The following TMEM269 variants were observed in gnomAD, a reference collection of about 807,000 sequenced individuals.
TMEM269 encodes transmembrane protein 269.
In TMEM269, 12 loss-of-function variants were observed where a neutral mutation model predicts 15.8. The observed-to-expected ratio is 0.76, with a 90% confidence interval of 0.49 to 1.23. The LOEUF (loss-of-function observed/expected upper bound fraction) is 1.23. Among genes scored for constraint, TMEM269 ranks in the 50% most tolerant of loss-of-function variants. TMEM269 has a pLI of 0.00. For synonymous variants in TMEM269, 93 were observed against 99.3 expected, an observed-to-expected ratio of 0.94 and a Z score of 0.38; for missense variants, 211 against 245.4, an observed-to-expected ratio of 0.86 and a Z score of 0.94.
At chr1:42,790,763 A>C (rs1653671319) in intron 2 of TMEM269, among the ~76,000 whole-genome samples, 1 of 152,154 alleles carries the variant, frequency 6.6e-6, no homozygotes, top group African/African-American at 2.4e-5. Context: ...AGTACAGCCT[A>C]ATTTTCTAGG....
At chr1:42,791,696 ATAAAAAG>A (rs1653688898) in intron 2 of TMEM269, among the ~76,000 whole-genome samples, 4 of 152,230 alleles carry the variant, frequency 2.6e-5, no homozygotes, top group Admixed American at 2.6e-4. Context: ...CAAAGGAAGC[ATAAAAAG>A]TAAAAAGTAA....
chr1:42,787,327 G>A (rs1295602305), intron 1 of TMEM269, among the ~76,000 whole-genome samples: 5 of 151,516 alleles, frequency 3.3e-5, no homozygotes, highest in South Asian at 2.1e-4. Context: ...CTGGCCGGGC[G>A]CGGTGGCTCA....
At chr1:42,789,955 G>A (rs1653652961) in intron 2 of TMEM269, 21 bp downstream of exon 2, 3 of 1,531,680 alleles carry the variant, frequency 2.0e-6, no homozygotes, top group Non-Finnish European at 2.7e-6. Context: ...GGCCCAGCAA[G>A]CTCTTAGCCA....
chr1:42,787,581 T>G (rs1158640374), intron 1 of TMEM269, among the ~76,000 whole-genome samples: 1 of 109,414 alleles, frequency 9.1e-6, no homozygotes, highest in African/African-American at 3.6e-5. Flanking sequence ...CAGTCCGGCC[T>G]GGGCGACAGA....
At chr1:42,789,285 G>A (rs913713518) in intron 1 of TMEM269, 5 of 636,686 alleles carry the variant, frequency 7.9e-6, no homozygotes, top group African/African-American at 3.6e-5. Context: ...GTTCTGACTG[G>A]GGCCTGTCAG....
Position 42,788,922 on chromosome 1 carries a change from CTT to C in TMEM269, c.-98-857_-98-856del, listed in dbSNP as rs540411407. 1.4e-4 allele frequency among the ~76,000 whole-genome samples: 19 copies of C among 136,800 alleles called. No homozygotes were observed. Among genetic ancestry groups the C allele is most frequent in the Admixed American group, 1.5e-4 (2 of 13,544 alleles). The allele number at this position is 136,800 out of a possible 152,430, so 89.7% of individuals were successfully genotyped here. Reference sequence around the variant, plus strand: ...TTTGTGAACTATTCAGTGTTGTACACTTTTTTTTTTTTTTTTTTAGACAGAGT... The same window carrying C: ...TTTGTGAACTATTCAGTGTTGTACACTTTTTTTTTTTTTTTTAGACAGAGT... On this transcript the variant is annotated intron_variant, in intron 1 of 5. Coordinates refer to ENST00000637012, the MANE Select transcript of TMEM269 (RefSeq NM_001354602.2). The surrounding 1 kb of genome is among the most constrained non-coding windows in gnomAD (Gnocchi z 4.0).
Position 42,794,418 on chromosome 1 carries a change from C to T in TMEM269, c.289C>T (p.Pro97Ser), listed in dbSNP as rs1014559010. Residue 97 changes from proline (P) to serine (S), a missense_variant, in exon 5 of 6, where the codon CCC (proline) becomes TCC (serine). Coordinates refer to ENST00000637012, the MANE Select transcript of TMEM269 (RefSeq NM_001354602.2). ...TCCAGCGTTCTTCCTGGCAGGAGTCCCCTCCACATACAAGGGTCTACCCTG... is the reference window on the plus strand; with the variant it reads ...TCCAGCGTTCTTCCTGGCAGGAGTCTCCTCCACATACAAGGGTCTACCCTG... ...FHLCFYSPGV[P>S]STYKGLPCPY... The T allele has an allele frequency of 1.3e-6, 2 of 1,550,092 alleles. No homozygotes were observed. The highest frequency in any genetic ancestry group is 2.7e-5 in the African/African-American group (2 of 72,986).
intron 2 of TMEM269, among the ~76,000 whole-genome samples, chr1:42,792,279 TAATC>T (rs951286107): frequency 9.9e-5 from 15 of 152,232 alleles, no homozygotes; most frequent in Non-Finnish European, 7.4e-5. Flanking sequence ...TAGCTGAAAA[TAATC>T]AATCCCTTAA....
At chr1:42,794,926 G>T (rs1328412972) in intron 5 of TMEM269, among the ~76,000 whole-genome samples, 2 of 152,192 alleles carry the variant, frequency 1.3e-5, no homozygotes. Context: ...CCCACCGTGT[G>T]CCAGGTACTG....
At chr1:42,793,446 C>T (rs917951764) in intron 3 of TMEM269, among the ~76,000 whole-genome samples, 155 bp from the exon 4 acceptor site, 1 of 152,152 alleles carries the variant, frequency 6.6e-6, no homozygotes, top group Non-Finnish European at 1.5e-5. Context: ...GAGGAGATCC[C>T]GAGCTTTGAT....
chr1:42,799,836 A>C lies in TMEM269; in HGVS notation c.*1611A>C, dbSNP rs1653859149. ...CCAATCTGAAAATGGTCTTCACATA[A>C]ATTCTTAAGGACCAAGCAGCTGGAA... On this transcript the variant is annotated 3_prime_UTR_variant, in exon 6 of 6. Transcript: ENST00000637012. 1 of 152,220 alleles carries C rather than the reference A, an allele frequency of 6.6e-6. No homozygotes were observed. The highest frequency in any genetic ancestry group is 2.4e-5 in the African/African-American group (1 of 41,456). 9.4% of individuals were successfully genotyped at this position (152,220 alleles called of 1,614,324 possible).
intron 3 of TMEM269, 58 bp from the exon 4 acceptor site, chr1:42,793,543 G>T: frequency 6.7e-7 from 1 of 1,496,998 alleles, no homozygotes; most frequent in South Asian, 1.3e-5. Context: ...ACTAGATGGG[G>T]GCTAAGGTGC....
intron 3 of TMEM269, 108 bp downstream of exon 3, chr1:42,793,010 CCT>C (rs771952830): frequency 2.5e-4 from 209 of 832,658 alleles, no homozygotes; most frequent in Non-Finnish European, 3.5e-4. Flanking sequence ...GGCATCCACC[CCT>C]GTTCACACCC....
intron 5 of TMEM269, among the ~76,000 whole-genome samples, 166 bp downstream of exon 5, chr1:42,794,779 C>G (rs555169882): frequency 6.6e-6 from 1 of 152,166 alleles, no homozygotes; most frequent in African/African-American, 2.4e-5. Context: ...AAACACTAAA[C>G]CTACCCCCAA....
At position 42,788,922 on chromosome 1, in the gene TMEM269, CTTT is replaced by C. The variant is rs540411407; in HGVS notation, c.-98-858_-98-856del. Among the ~76,000 whole-genome samples, 1,179 of 136,844 alleles carry C rather than the reference CTTT, an allele frequency of 8.6e-3. 17 individuals carry two copies. Among genetic ancestry groups the C allele is most frequent in the African/African-American group, 0.03 (1,134 of 37,336 alleles). The allele number at this position is 136,844 out of a possible 152,430, so 89.8% of individuals were successfully genotyped here. A position where few individuals can be genotyped will look rare whatever the true frequency, so the allele number is the denominator to read the frequency against. ...TTTGTGAACTATTCAGTGTTGTACA[CTTT>C]TTTTTTTTTTTTTTTAGACAGAGTC... On this transcript the variant is annotated intron_variant, in intron 1 of 5. Transcript: ENST00000637012. The surrounding 1 kb of genome is among the most constrained non-coding windows in gnomAD (Gnocchi z 4.0).
chr1:42,789,946 G>A lies in TMEM269; in HGVS notation c.41+12G>A. ...TTCAGCTTCAGCAGGTAGGTCTGGG[G>A]CCCAGCAAGCTCTTAGCCAAGAGCT... On this transcript the variant is annotated intron_variant, in intron 2 of 5. Transcript: ENST00000637012. 1 of 1,542,892 alleles carries A rather than the reference G, an allele frequency of 6.5e-7. No homozygotes were observed. The highest frequency in any genetic ancestry group is 8.8e-7 in the Non-Finnish European group (1 of 1,140,106).
In TMEM269 at chr1:42,798,653, C is replaced by G. The variant is rs769076909; in HGVS notation, c.*428C>G. ...TTTCTTACTCTTGCAGACTCTGGCT[C>G]TGAGAGTAGAGCCAATCACAGGACT... On this transcript the variant is annotated 3_prime_UTR_variant, in exon 6 of 6. Coordinates refer to ENST00000637012, the MANE Select transcript of TMEM269 (RefSeq NM_001354602.2). The G allele has an allele frequency of 1.2e-5, 2 of 164,184 alleles. No homozygotes were observed. The highest frequency in any genetic ancestry group is 4.9e-5 in the African/African-American group (2 of 40,856). The allele number at this position is 164,184 out of a possible 1,614,324, so 10.2% of individuals were successfully genotyped here. A position where few individuals can be genotyped will look rare whatever the true frequency, so the allele number is the denominator to read the frequency against.
chr1:42,789,423 C>A (rs1021760995), intron 1 of TMEM269: 5 of 1,535,342 alleles, frequency 3.3e-6, no homozygotes, highest in Middle Eastern at 1.7e-4. Flanking sequence ...GACAAGGGCC[C>A]ACCTCTCAGA....
At chr1:42,793,010 C>A in intron 3 of TMEM269, 108 bp downstream of exon 3, 1 of 832,776 alleles carries the variant, frequency 1.2e-6, no homozygotes, top group Non-Finnish European at 2.0e-6. Context: ...GGCATCCACC[C>A]CTGTTCACAC....
Sources: gnomAD v4.1 joint callset for allele counts (sites outside exome capture counted in the v4.1 genomes callset) on GRCh38, gnomAD v4.1.1 for gene constraint, Gnocchi (gnomAD v3.1) non-coding constraint, MANE v1.5 for transcripts, NCBI Gene and HGNC (gene_info 2026-07-23, HGNC 2026-07-21) for gene names.